PRRT1B: variants seen among roughly 807,000 people sequenced by gnomAD.
The protein encoded by PRRT1B is proline rich transmembrane protein 1B.
chr9:131,553,711 A>G (rs1246029241), intron 1 of PRRT1B, among the ~76,000 whole-genome samples: 1 of 152,056 alleles, frequency 6.6e-6, no homozygotes, highest in Non-Finnish European at 1.5e-5. Context: ...CCAAAGCCAG[A>G]CCCCTGGCTC....
intron 3 of PRRT1B, among the ~76,000 whole-genome samples, chr9:131,556,719 C>A (rs1203300539): frequency 1.3e-5 from 2 of 152,034 alleles, no homozygotes; most frequent in Non-Finnish European, 2.9e-5. Flanking sequence ...GCAACCTCCA[C>A]CCTCTGGGTT....
At chr9:131,548,508 A>G (rs1187209526) in intron 1 of PRRT1B, among the ~76,000 whole-genome samples, 1 of 152,144 alleles carries the variant, frequency 6.6e-6, no homozygotes, top group Non-Finnish European at 1.5e-5. Flanking sequence ...CAAAATCTAG[A>G]TAATTCTTGT....
At chr9:131,549,307 A>G (rs1588549102) in intron 1 of PRRT1B, among the ~76,000 whole-genome samples, 1 of 152,150 alleles carries the variant, frequency 6.6e-6, no homozygotes, top group African/African-American at 2.4e-5. Flanking sequence ...AAACGCCTGA[A>G]CCGCAGCTGC....
At chr9:131,545,690 T>C in intron 1 of PRRT1B, 50 bp downstream of exon 1, 1 of 394,614 alleles carries the variant, frequency 2.5e-6, no homozygotes. Flanking sequence ...GGGCAGGTAC[T>C]GGCGGGGCAG....
chr9:131,556,404 T>G (rs1395536192), intron 3 of PRRT1B, among the ~76,000 whole-genome samples, 191 bp downstream of exon 3: 1 of 152,192 alleles, frequency 6.6e-6, no homozygotes, highest in Non-Finnish European at 1.5e-5. Context: ...CCCCCAACTA[T>G]TCAAAATGTG....
intron 3 of PRRT1B, 27 bp from the exon 4 acceptor site, chr9:131,558,026 G>A (rs1342401067): frequency 5.0e-6 from 2 of 398,660 alleles, no homozygotes; most frequent in Admixed American, 4.4e-5. Context: ...CGCTCCCACC[G>A]CCCCCTCCTG....
At chr9:131,558,788 G>A (rs113112241), downstream of PRRT1B, among the ~76,000 whole-genome samples, 242 of 152,298 alleles carry the variant, frequency 1.6e-3, 1 homozygote, top group Non-Finnish European at 3.0e-3. Flanking sequence ...GGGCCACTCT[G>A]TCTGGTCAAT....
chr9:131,550,939 C>CTTTTTTTTTTTTTTTTT (rs546049217), intron 1 of PRRT1B, among the ~76,000 whole-genome samples: 2 of 75,998 alleles, frequency 2.6e-5, no homozygotes, highest in Admixed American at 1.7e-4. Context: ...TTTTCTTTTT[C>CTTTTTTTTTTTTTTTTT]TTTTTTTTTT....
chr9:131,554,450 G>T (rs1588551178), intron 1 of PRRT1B, 107 bp from the exon 2 acceptor site: 1 of 363,704 alleles, frequency 2.7e-6, no homozygotes, highest in South Asian at 1.5e-4. Flanking sequence ...ATCCTATGAG[G>T]CCCAGCTGCA....
Position 131,551,931 on chromosome 9 carries a change from G to A in PRRT1B, c.26-2626G>A, listed in dbSNP as rs375538369. ...TTTGGTGGTCTCTTCACACGGACAC[G>A]AGTGAAACCCGCCACCACACCTGGC... On this transcript the variant is annotated intron_variant, in intron 1 of 3. Transcript: ENST00000636672. The surrounding 1 kb of genome is among the most constrained non-coding windows in gnomAD (Gnocchi z 4.4). Among the ~76,000 whole-genome samples the A allele has an allele frequency of 3.3e-5, 5 of 152,038 alleles. No individual in the cohort carries two copies. Among genetic ancestry groups the A allele is most frequent in the Non-Finnish European group, 4.4e-5 (3 of 68,024 alleles).
Position 131,547,066 on chromosome 9 carries a change from T to C in PRRT1B, c.25+1426T>C, listed in dbSNP as rs1456946994. On this transcript the variant is annotated intron_variant, in intron 1 of 3. Transcript: ENST00000636672. ...GAGCAGAGCCTGGCCTCCTGTTCGC[T>C]TTTTTTTTTTTTTTTTTTTTTTTGA... Among the ~76,000 whole-genome samples the C allele has an allele frequency of 2.0e-3, 38 of 19,302 alleles. No homozygotes were observed. The East Asian group carries it at 0.03, about 15-fold the overall frequency. The allele number at this position is 19,302 out of a possible 152,430, so 12.7% of individuals were successfully genotyped here.
At chr9:131,549,663 C>T (rs1013876403) in intron 1 of PRRT1B, among the ~76,000 whole-genome samples, 3 of 152,234 alleles carry the variant, frequency 2.0e-5, no homozygotes, top group East Asian at 1.9e-4. Flanking sequence ...TTAATCAATA[C>T]GGAGGCTACC....
chr9:131,555,641 A>G (rs1172561127), intron 2 of PRRT1B, among the ~76,000 whole-genome samples: 1 of 152,102 alleles, frequency 6.6e-6, no homozygotes, highest in Non-Finnish European at 1.5e-5. Flanking sequence ...ACACCATTGC[A>G]CTCCGGGCTG....
At chr9:131,545,531 GC>G (rs1005834420) in exon 1 of PRRT1B, 12 of 394,460 alleles carry the variant, frequency 3.0e-5, no homozygotes, top group African/African-American at 2.1e-4. Context: ...GGAAACCTGA[GC>G]CCGCGGCGCA....
rs1430689104 is a variant in PRRT1B at position 131,551,105 on chromosome 9, G to C, written c.26-3452G>C. On this transcript the variant is annotated intron_variant, in intron 1 of 3. Transcript: ENST00000636672. The surrounding 1 kb of genome is among the most constrained non-coding windows in gnomAD (Gnocchi z 4.4). The stretch of plus-strand genomic sequence containing the variant: ...CTACAGGCACCCGCCACCATGCTCC[G>C]CTAATTTTTTGTATTTTTAGTAGAG... Among the ~76,000 whole-genome samples, 2 of 151,598 alleles carry C rather than the reference G, an allele frequency of 1.3e-5. No homozygotes were observed. The highest frequency in any genetic ancestry group is 2.9e-5 in the Non-Finnish European group (2 of 67,908).
In PRRT1B at chr9:131,551,087, C is replaced by T. The variant is rs1273499676; in HGVS notation, c.26-3470C>T. Among the ~76,000 whole-genome samples, 17 of 151,332 alleles carry T rather than the reference C, an allele frequency of 1.1e-4. No individual in the cohort carries two copies. The highest frequency in any genetic ancestry group is 3.4e-4 in the African/African-American group (14 of 41,222). On this transcript the variant is annotated intron_variant, in intron 1 of 3. Transcript: ENST00000636672. This position sits in a 1 kb window ranked among gnomAD's most constrained non-coding sequence, Gnocchi z 4.4. ...CCTCCCGAGTAGCTGGGACTACAGG[C>T]ACCCGCCACCATGCTCCGCTAATTT...
At chr9:131,554,136 T>C (rs35943903) in intron 1 of PRRT1B, among the ~76,000 whole-genome samples, 12,176 of 152,298 alleles carry the variant, frequency 0.08, 630 homozygotes, top group Middle Eastern at 0.24. Flanking sequence ...AAGAATCTAA[T>C]TGGTTCAGCT....
intron 3 of PRRT1B, among the ~76,000 whole-genome samples, chr9:131,556,565 C>T (rs1951051853): frequency 6.6e-6 from 1 of 152,082 alleles, no homozygotes; most frequent in African/African-American, 2.4e-5. Context: ...CCATCCACCC[C>T]ATCTCTCCAT....
intron 3 of PRRT1B, among the ~76,000 whole-genome samples, chr9:131,557,665 A>G (rs979342591): frequency 6.6e-6 from 1 of 152,218 alleles, no homozygotes. Context: ...TCTCAGGACA[A>G]CTCAGAGGTG....
Sources: gnomAD v4.1 joint callset for allele counts (sites outside exome capture counted in the v4.1 genomes callset) on GRCh38, gnomAD v4.1.1 for gene constraint, Gnocchi (gnomAD v3.1) non-coding constraint, MANE v1.5 for transcripts, NCBI Gene and HGNC (gene_info 2026-07-23, HGNC 2026-07-21) for gene names.